The following ZNF717 variants were observed in gnomAD, a reference collection of about 807,000 sequenced individuals.
ZNF717 encodes krueppel-like factor X17.
ZNF717 carries 9 observed loss-of-function variants against 13.8 expected under a neutral mutation model. The ratio of observed to expected loss-of-function variants is 0.65; its 90% CI spans 0.39 to 1.14. The LOEUF is 1.14. Ranked by LOEUF, ZNF717 falls within the 50% of genes most tolerant of loss-of-function variation. ZNF717 has a pLI of 0.01. For synonymous variants in ZNF717, 327 were observed against 364.1 expected (o/e 0.90, Z 1.16); for missense variants, 1,040 against 1,080.7 (o/e 0.96, Z 0.53).
At chr3:75,709,491 C>G (rs9821569), downstream of ZNF717, among the ~76,000 whole-genome samples, 63,051 of 151,916 alleles carry the variant, frequency 0.42, 13,511 homozygotes, top group South Asian at 0.61. Context: ...TCACATGAAA[C>G]ACAAAGGTTT....
intron 5 of ZNF717, among the ~76,000 whole-genome samples, chr3:75,712,186 G>T (rs1373988069): frequency 5.3e-5 from 8 of 152,214 alleles, no homozygotes; most frequent in African/African-American, 1.9e-4. Context: ...GAAAAAAGGG[G>T]AGCTGAATCT....
At position 75,715,969 on chromosome 3, in the gene ZNF717, T is replaced by C. The variant is rs1938039898; in HGVS notation, n.667+450A>G. Among the ~76,000 whole-genome samples, 18 of 122,952 alleles carry C rather than the reference T, an allele frequency of 1.5e-4. No individual in the cohort carries two copies. The South Asian group carries it at 6.1e-3, about 42-fold the overall frequency. 80.7% of individuals were successfully genotyped at this position (122,952 alleles called of 152,430 possible). A position where few individuals can be genotyped will look rare whatever the true frequency, so the allele number is the denominator to read the frequency against. The stretch of plus-strand genomic sequence containing the variant: ...AATGCGATTCTGGTTTTTTTTGGTT[T>C]GTTTTTTTGTTTTTTTTTTTTAGAT... On this transcript the variant is annotated intron_variant and non_coding_transcript_variant, in intron 5 of 5. Coordinates refer to the ZNF717 transcript ENST00000491507.
chr3:75,730,567 G>T (rs1575730280), exon 6 of ZNF717: 1 of 700,138 alleles, frequency 1.4e-6, no homozygotes, highest in East Asian at 2.7e-5. Context: ...ACGTAGGGAT[G>T]TCCAATTGAC....
chr3:75,707,812 T>C (rs1297495923), downstream of ZNF717, among the ~76,000 whole-genome samples: 16 of 152,232 alleles, frequency 1.1e-4, no homozygotes, highest in Admixed American at 1.0e-3. Flanking sequence ...ATCCCGCACA[T>C]GGCTCAGAGG....
exon 6 of ZNF717, chr3:75,730,384 T>G: frequency 2.4e-6 from 1 of 422,082 alleles, no homozygotes; most frequent in Non-Finnish European, 4.2e-6. Flanking sequence ...CAGGATTTGA[T>G]GTCAATTTGC....
intron 4 of ZNF717, among the ~76,000 whole-genome samples, chr3:75,739,567 A>C (rs1940071513): frequency 1.3e-5 from 2 of 152,136 alleles, no homozygotes; most frequent in African/African-American, 4.8e-5. Context: ...TGCATTTTGA[A>C]GTTTTCCTGT....
downstream of ZNF717, among the ~76,000 whole-genome samples, chr3:75,725,999 C>G (rs796939259): frequency 6.6e-6 from 1 of 152,230 alleles, no homozygotes; most frequent in Non-Finnish European, 1.5e-5. Flanking sequence ...CTGATCTAGA[C>G]TCAGATGGCT....
At chr3:75,714,559 A>G (rs1298752426) in intron 5 of ZNF717, among the ~76,000 whole-genome samples, 1 of 151,720 alleles carries the variant, frequency 6.6e-6, no homozygotes, top group Non-Finnish European at 1.5e-5. Flanking sequence ...TATTTTATAT[A>G]TTTTCTTTAT....
rs111695593 is a variant in ZNF717 at position 75,738,434 on chromosome 3, A to C, written c.1189T>G (p.Cys397Gly). 2,770 of 1,529,278 alleles carry C rather than the reference A, an allele frequency of 1.8e-3. 21 individuals are homozygous for C. In the African/African-American group the frequency reaches 0.035, roughly 19 times the overall value. The allele number at this position is 1,529,278 out of a possible 1,614,324, so 94.7% of individuals were successfully genotyped here. The change falls in exon 5 of 5, where the codon TGT becomes GGT. Residue 397 changes from cysteine (C) to glycine (G), a missense_variant. Cys to Gly is a radical substitution (Grantham distance 159). Transcript: ENST00000652011. The part of the protein sequence containing the change: ...RTHSGEKPYQ[C>G]SECGKTFSQK... ...CTAAAGGTTTTTCCACATTCACTAC[A>C]CTGATAGGGCTTTTCCCCTGAGTGA... is the stretch of plus-strand genomic sequence containing the variant.
downstream of ZNF717, among the ~76,000 whole-genome samples, chr3:75,706,274 A>G (rs1394734370): frequency 2.0e-4 from 30 of 152,278 alleles, no homozygotes; most frequent in East Asian, 5.9e-3. Flanking sequence ...CCTGACCCCA[A>G]GAAGGGACAG....
chr3:75,738,399 T>C lies in ZNF717; in HGVS notation c.1224A>G (p.Ser408=), dbSNP rs1177565304. ...GAGTTCTATGATGTATTGTGAGGTA[T>C]GACTTCTGGCTAAAGGTTTTTCCAC... The part of the protein sequence containing the change: ...SECGKTFSQK[S]YLTIHHRTHT... The change falls in exon 5 of 5, where the codon TCA becomes TCG. Residue 408 remains serine (S), a synonymous_variant. Coordinates refer to ENST00000652011, the MANE Select transcript of ZNF717 (RefSeq NM_001290208.3). The C allele has an allele frequency of 3.9e-6, 6 of 1,532,706 alleles. No homozygotes were observed. The highest frequency in any genetic ancestry group is 1.2e-5 in the South Asian group (1 of 83,026). 94.9% of individuals were successfully genotyped at this position (1,532,706 alleles called of 1,614,324 possible).
intron 2 of ZNF717, among the ~76,000 whole-genome samples, chr3:75,756,758 T>C (rs1375123375): frequency 6.6e-6 from 1 of 152,158 alleles, no homozygotes; most frequent in Non-Finnish European, 1.5e-5. Context: ...CATCGCAACC[T>C]CTGCCTCCCA....
At chr3:75,753,873 T>C (rs569820164) in intron 2 of ZNF717, among the ~76,000 whole-genome samples, 1 of 152,270 alleles carries the variant, frequency 6.6e-6, no homozygotes, top group Admixed American at 6.5e-5. Flanking sequence ...GCTACAAGGG[T>C]CTGAATGTTT....
Position 75,777,035 on chromosome 3 carries a change from G to GT in ZNF717, c.57+6270dup, listed in dbSNP as rs1559687666. On this transcript the variant is annotated intron_variant, in intron 2 of 4. Coordinates refer to ENST00000652011, the MANE Select transcript of ZNF717 (RefSeq NM_001290208.3). ...AATTCTTGGTGATATCCCAGTAGTC[G>GT]TAAGAGTCTCCCTGGTGCACTGTAC... Among the ~76,000 whole-genome samples the GT allele has an allele frequency of 8.1e-5, 12 of 147,666 alleles. No individual in the cohort carries two copies. In the South Asian group the frequency reaches 2.6e-3, roughly 32 times the overall value.
intron 2 of ZNF717, among the ~76,000 whole-genome samples, chr3:75,769,791 C>T (rs543057258): frequency 3.3e-5 from 5 of 152,084 alleles, no homozygotes; most frequent in African/African-American, 7.2e-5. Flanking sequence ...TGCACACATC[C>T]GTTTTTCCTT....
chr3:75,714,170 C>G (rs578046362), intron 5 of ZNF717, among the ~76,000 whole-genome samples: 2 of 151,816 alleles, frequency 1.3e-5, no homozygotes, highest in Non-Finnish European at 2.9e-5. Flanking sequence ...GTGGGCCTGA[C>G]ATCAGTCAGG....
chr3:75,715,269 A>G (rs1247102106), intron 5 of ZNF717, among the ~76,000 whole-genome samples: 1 of 152,250 alleles, frequency 6.6e-6, no homozygotes, highest in Non-Finnish European at 1.5e-5. Context: ...TAAAATCTCC[A>G]TGTAACCTTG....
intron 6 of ZNF717, among the ~76,000 whole-genome samples, chr3:75,700,726 G>A (rs1937676758): frequency 6.6e-6 from 1 of 152,286 alleles, no homozygotes; most frequent in South Asian, 2.1e-4. Flanking sequence ...TGGGAAAACT[G>A]GCAAGCCATA....
chr3:75,746,227 T>C (rs1352200111), intron 2 of ZNF717, among the ~76,000 whole-genome samples: 2 of 152,240 alleles, frequency 1.3e-5, no homozygotes, highest in African/African-American at 2.4e-5. Flanking sequence ...GGCTGCATAG[T>C]ATTCCATGGT....
Sources: allele counts gnomAD v4.1 joint callset (sites outside exome capture counted in the v4.1 genomes callset), GRCh38; gene constraint gnomAD v4.1.1; transcripts MANE v1.5; gene names NCBI Gene and HGNC (gene_info 2026-07-23, HGNC 2026-07-21).